The following NCOA1 variants were observed in gnomAD, a reference collection of about 807,000 sequenced individuals.
NCOA1 encodes the protein nuclear receptor coactivator 1, also known as Hin-2 protein.
A neutral mutation model predicts 150.9 loss-of-function variants in NCOA1; 35 were observed. That is an observed-to-expected ratio of 0.23 (90% CI 0.18 to 0.31). The LOEUF is 0.31. Among genes scored for constraint, NCOA1 ranks in the 10% least tolerant of loss-of-function variants. The pLI, the probability that NCOA1 is intolerant of heterozygous loss-of-function variation, is 1.00. For missense variants in NCOA1, 1,491 were observed against 1,749.3 expected (o/e 0.85, Z 2.63); for synonymous variants, 590 against 630.0 (o/e 0.94, Z 0.95).
At chr2:24,516,602 A>G (rs1338605318) in intron 1 of NCOA1, among the ~76,000 whole-genome samples, 1 of 151,740 alleles carries the variant, frequency 6.6e-6, no homozygotes, top group Non-Finnish European at 1.5e-5. Flanking sequence ...TAATGGCCAC[A>G]CTAATGAAAT....
intron 21 of NCOA1, among the ~76,000 whole-genome samples, chr2:24,759,152 T>A (rs1664649261): frequency 6.6e-6 from 1 of 152,176 alleles, no homozygotes; most frequent in Non-Finnish European, 1.5e-5. Flanking sequence ...TATGTACAAG[T>A]TGGGAAAGAC....
At chr2:24,603,708 C>G (rs546650272) in intron 3 of NCOA1, among the ~76,000 whole-genome samples, 14 of 152,308 alleles carry the variant, frequency 9.2e-5, no homozygotes, top group African/African-American at 3.4e-4. Flanking sequence ...GGTTCTCTTG[C>G]TGTTTTTACC....
chr2:24,634,708 A>ACCCCCCCCCCCCCCCCCCCCCCCCCCC (rs530645429), intron 3 of NCOA1, among the ~76,000 whole-genome samples: 1 of 39,716 alleles, frequency 2.5e-5, no homozygotes, highest in African/African-American at 1.2e-4. Context: ...TAGGGGAGGA[A>ACCCCCCCCCCCCCCCCCCCCCCCCCCC]CCCCCCCCCC....
chr2:24,641,648 C>A (rs1338844425), intron 3 of NCOA1, among the ~76,000 whole-genome samples: 1 of 152,110 alleles, frequency 6.6e-6, no homozygotes, highest in Admixed American at 6.5e-5. Flanking sequence ...GGGCTCCCCA[C>A]CCCCCTTCAG....
chr2:24,734,512 A>G (rs920290792), intron 17 of NCOA1, among the ~76,000 whole-genome samples: 1 of 152,190 alleles, frequency 6.6e-6, no homozygotes, highest in African/African-American at 2.4e-5. Context: ...AAATTAAACC[A>G]GGCTGGATGT....
intron 1 of NCOA1, among the ~76,000 whole-genome samples, chr2:24,522,091 T>G (rs988975449): frequency 6.6e-6 from 1 of 152,200 alleles, no homozygotes; most frequent in Non-Finnish European, 1.5e-5. Flanking sequence ...GAGGGCAGAA[T>G]AGAATAGTAC....
chr2:24,692,912 C>A (rs919985722), intron 9 of NCOA1, among the ~76,000 whole-genome samples: 9 of 152,164 alleles, frequency 5.9e-5, no homozygotes, highest in African/African-American at 2.2e-4. Context: ...CCAGGCTGGA[C>A]TGCAGTGGCG....
intron 1 of NCOA1, among the ~76,000 whole-genome samples, chr2:24,493,440 C>G (rs1663065456): frequency 6.6e-6 from 1 of 152,168 alleles, no homozygotes; most frequent in South Asian, 2.1e-4. Flanking sequence ...TATTTAACAA[C>G]ATTGAAGTTT....
At position 24,491,444 on chromosome 2, in the gene NCOA1, C is replaced by T. The variant is rs1662947295; in HGVS notation, c.-554C>T. On this transcript the variant is annotated 5_prime_UTR_variant, in exon 1 of 23. Coordinates refer to ENST00000348332, the MANE Select transcript of NCOA1 (RefSeq NM_003743.5). ...CCTCGAGCGGAGCCTGCGTCAGGTT[C>T]CCTCTGCATCCCCCTGCGGGGGGAC... 1.3e-4 allele frequency among the ~76,000 whole-genome samples: 1 copy of T among 7,996 alleles called. No homozygotes were observed. The highest frequency in any genetic ancestry group is 4.5e-3 in the South Asian group (1 of 220). The allele number at this position is 7,996 out of a possible 152,430, so 5.2% of individuals were successfully genotyped here.
At chr2:24,553,533 T>C (rs1430934519) in intron 1 of NCOA1, among the ~76,000 whole-genome samples, 6 of 152,200 alleles carry the variant, frequency 3.9e-5, no homozygotes, top group South Asian at 2.1e-4. Context: ...GCCGTTTTTT[T>C]CCCCATTAAT....
intron 5 of NCOA1, among the ~76,000 whole-genome samples, chr2:24,663,817 C>T (rs780691141): frequency 6.6e-6 from 1 of 152,160 alleles, no homozygotes; most frequent in Non-Finnish European, 1.5e-5. Context: ...TAGCTTCTTG[C>T]TTTCTCTATC....
rs1166510291 is a variant in NCOA1 at position 24,729,582 on chromosome 2, C to G, written c.2968C>G (p.Leu990Val). Reference protein sequence around the residue: ...PPLIMEERPNLYSQPYSSPSP... With the variant: ...PPLIMEERPNVYSQPYSSPSP... ...TTTGATCATGGAAGAAAGACCCAAC[C>G]TTTATTCCCAGCCTTACTCTTCTCC... is the stretch of plus-strand genomic sequence containing the variant. The change falls in exon 17 of 23, where the codon CTT becomes GTT. Residue 990 changes from leucine to valine, a missense_variant. Around this residue, in one of 8 missense-constraint regions of NCOA1, gnomAD observed 485 missense variants for 522.8 expected, o/e 0.93. Coordinates refer to ENST00000348332, the MANE Select transcript of NCOA1 (RefSeq NM_003743.5). The G allele has an allele frequency of 6.2e-7, 1 of 1,614,048 alleles. No individual in the cohort carries two copies.
chr2:24,534,359 A>C (rs905659000), intron 1 of NCOA1, among the ~76,000 whole-genome samples: 21 of 151,204 alleles, frequency 1.4e-4, no homozygotes, highest in African/African-American at 4.4e-4. Context: ...GTCTTGCTAG[A>C]GGACTATCAA....
At chr2:24,540,815 A>T (rs1396454918) in intron 1 of NCOA1, among the ~76,000 whole-genome samples, 3 of 152,162 alleles carry the variant, frequency 2.0e-5, no homozygotes, top group Non-Finnish European at 4.4e-5. Context: ...CTTAGATAGC[A>T]GCATAAGGAG....
Position 24,741,955 on chromosome 2 carries a change from C to G in NCOA1, c.3475C>G (p.Leu1159Val). Residue 1159 changes from leucine to valine, a missense_variant, in exon 19 of 23, where the codon CTT becomes GTT. Coordinates refer to ENST00000348332, the MANE Select transcript of NCOA1 (RefSeq NM_003743.5). ...GLPVQMGNPR[L>V]PQGAPQQFPY... is the part of the protein sequence containing the mutation. ...ACCAGTTCAAATGGGGAACCCCCGT[C>G]TTCCTCAGGGTGCTCCACAGCAATT... The G allele has an allele frequency of 6.2e-7, 1 of 1,614,234 alleles. No homozygotes were observed. The highest frequency in any genetic ancestry group is 2.2e-5 in the East Asian group (1 of 44,890).
At chr2:24,662,542 G>T (rs1005034691) in intron 5 of NCOA1, among the ~76,000 whole-genome samples, 1 of 152,042 alleles carries the variant, frequency 6.6e-6, no homozygotes, top group African/African-American at 2.4e-5. Flanking sequence ...CCATGTCCCT[G>T]AAAATAAATA....
At chr2:24,726,732 A>G (rs771566104) in intron 15 of NCOA1, 26 bp downstream of exon 15, 20 of 1,468,414 alleles carry the variant, frequency 1.4e-5, no homozygotes, top group Middle Eastern at 1.7e-4. Context: ...TGTATTTTAT[A>G]AGGTATCAGA....
intron 7 of NCOA1, among the ~76,000 whole-genome samples, chr2:24,675,244 A>G (rs1205312934): frequency 6.6e-6 from 1 of 152,262 alleles, no homozygotes; most frequent in Non-Finnish European, 1.5e-5. Context: ...TTGAAGCAAT[A>G]GAAATCAACT....
chr2:24,497,060 G>T (rs1663249058), intron 1 of NCOA1, among the ~76,000 whole-genome samples: 1 of 152,130 alleles, frequency 6.6e-6, no homozygotes, highest in Non-Finnish European at 1.5e-5. Flanking sequence ...TCTGAGCCAG[G>T]TACTGTGCTA....
Sources: allele counts gnomAD v4.1 joint callset (sites outside exome capture counted in the v4.1 genomes callset), GRCh38; gene constraint gnomAD v4.1.1; regional missense constraint gnomAD v4.1.1; transcripts MANE v1.5; gene names NCBI Gene and HGNC (gene_info 2026-07-23, HGNC 2026-07-21).